The following ARHGEF1 variants were observed in gnomAD, a reference collection of about 807,000 sequenced individuals.
ARHGEF1 encodes 115 kDa guanine nucleotide exchange factor.
Under a neutral mutation model 119.7 loss-of-function variants are expected in ARHGEF1, and 40 were observed. The observed-to-expected ratio is 0.33, with a 90% CI of 0.26 to 0.44. The LOEUF (loss-of-function observed/expected upper bound fraction) is 0.44, where lower values mean the gene tolerates loss of function less well. ARHGEF1 is among the 20% of genes least tolerant of loss of function. The pLI is 1.00. For synonymous variants in ARHGEF1, 494 were observed against 521.0 expected (o/e 0.95, Z 0.71); for missense variants, 976 against 1,268.3 (o/e 0.77, Z 3.50).
At chr19:41,908,082 TG>T, downstream of ARHGEF1, 1 of 555,816 alleles carries the variant, frequency 1.8e-6, no homozygotes, top group Non-Finnish European at 2.7e-6. This position sits in a 1 kb window ranked among gnomAD's most constrained non-coding sequence, Gnocchi z 6.7. Flanking sequence ...CCCCCCACTC[TG>T]GGGCTGGGGA....
chr19:41,886,763 C>T (rs1224373813), intron 1 of ARHGEF1, among the ~76,000 whole-genome samples: 2 of 152,236 alleles, frequency 1.3e-5, no homozygotes, highest in East Asian at 3.9e-4. Flanking sequence ...ATCCTGGTTA[C>T]CATTTACTGG....
chr19:41,903,490 C>A lies in ARHGEF1; in HGVS notation c.1839+83C>A. On this transcript the variant is annotated intron_variant, in intron 19 of 28. Transcript: ENST00000354532. This position sits in a 1 kb window ranked among gnomAD's most constrained non-coding sequence, Gnocchi z 4.2. Reference sequence around the variant, plus strand: ...ACCCTACCTCAGCCTGTCCAGAAGTCACACCCCACCCCTTGGCTTGTCTCC... The same window carrying A: ...ACCCTACCTCAGCCTGTCCAGAAGTAACACCCCACCCCTTGGCTTGTCTCC... 7.3e-7 allele frequency: 1 copy of A among 1,362,382 alleles called. No homozygotes were observed. The highest frequency in any genetic ancestry group is 1.2e-5 in the South Asian group (1 of 82,432). 84.4% of individuals were successfully genotyped at this position (1,362,382 alleles called of 1,614,324 possible). A position where few individuals can be genotyped will look rare whatever the true frequency, so the allele number is the denominator to read the frequency against.
intron 18 of ARHGEF1, among the ~76,000 whole-genome samples, chr19:41,914,237 G>A (rs948878106): frequency 4.4e-5 from 6 of 136,708 alleles, no homozygotes; most frequent in South Asian, 2.5e-4. Flanking sequence ...CTGTCTCCCC[G>A]TCTTTCTCCA....
chr19:41,894,578 G>T, intron 10 of ARHGEF1, 31 bp downstream of exon 10: 1 of 1,613,964 alleles, frequency 6.2e-7, no homozygotes, highest in East Asian at 2.2e-5. Context: ...GCCCTCCCCT[G>T]TCTTCCCCAG....
rs1555849490 is a variant in ARHGEF1 at position 41,903,539 on chromosome 19, G to A, written c.1839+132G>A. The A allele has an allele frequency of 2.7e-6, 3 of 1,103,294 alleles. No homozygotes were observed. The highest frequency in any genetic ancestry group is 4.1e-5 in the Admixed American group (2 of 49,294). The allele number at this position is 1,103,294 out of a possible 1,614,324, so 68.3% of individuals were successfully genotyped here. On this transcript the variant is annotated intron_variant, in intron 19 of 28. Transcript: ENST00000354532. The surrounding 1 kb of genome is among the most constrained non-coding windows in gnomAD (Gnocchi z 4.2). ...CCCTCAAGGGTCACTGTGTCCAGGG[G>A]TTGGCTTGGCCCTCAGCATCTCCCT...
chr19:41,903,884 C>T lies in ARHGEF1; in HGVS notation c.1917+100C>T, dbSNP rs2074646215. 1.4e-6 allele frequency: 2 copies of T among 1,408,124 alleles called. No individual in the cohort carries two copies. Among genetic ancestry groups the T allele is most frequent in the Non-Finnish European group, 2.0e-6 (2 of 1,004,402 alleles). 87.2% of individuals were successfully genotyped at this position (1,408,124 alleles called of 1,614,324 possible). On this transcript the variant is annotated intron_variant, in intron 20 of 28. Transcript: ENST00000354532. This position sits in a 1 kb window ranked among gnomAD's most constrained non-coding sequence, Gnocchi z 4.2. Reference sequence around the variant, plus strand: ...CTGTCCTGCCCATCCCATAATACACCCAGGAAGCGAGAGCTCTGTCCCCCA... The same window carrying T: ...CTGTCCTGCCCATCCCATAATACACTCAGGAAGCGAGAGCTCTGTCCCCCA...
At chr19:41,884,448 C>T (rs1276104946) in intron 1 of ARHGEF1, 1 of 1,605,772 alleles carries the variant, frequency 6.2e-7, no homozygotes, top group East Asian at 2.2e-5. Flanking sequence ...AGCGCGGAGG[C>T]TTCGGTTCCG....
At chr19:41,910,764 C>G (rs1272597477), downstream of ARHGEF1, among the ~76,000 whole-genome samples, 1 of 152,194 alleles carries the variant, frequency 6.6e-6, no homozygotes, top group Non-Finnish European at 1.5e-5. The surrounding 1 kb of genome is among the most constrained non-coding windows in gnomAD (Gnocchi z 4.4). Flanking sequence ...AGACATGTCA[C>G]ACAGACATCA....
intron 1 of ARHGEF1, among the ~76,000 whole-genome samples, chr19:41,884,048 C>T (rs140204574): frequency 5.6e-4 from 86 of 152,280 alleles, no homozygotes; most frequent in African/African-American, 2.0e-3. Context: ...GGAAATTCAG[C>T]GGGTCCCCTA....
chr19:41,902,937 T>C lies in ARHGEF1; in HGVS notation c.1738+39T>C, dbSNP rs76291947. 1.8e-6 allele frequency: 2 copies of C among 1,130,850 alleles called. No individual in the cohort carries two copies. The highest frequency in any genetic ancestry group is 1.7e-5 in the African/African-American group (1 of 60,142). 70.1% of individuals were successfully genotyped at this position (1,130,850 alleles called of 1,614,324 possible). ...GGATCTCTGGGCCTCGGCTCTCCTC[T>C]TTTTTTTTTACATTTTTTTTCTCAC... On this transcript the variant is annotated intron_variant, in intron 18 of 28. Coordinates refer to ENST00000354532, the MANE Select transcript of ARHGEF1 (RefSeq NM_004706.4). The surrounding 1 kb of genome is among the most constrained non-coding windows in gnomAD (Gnocchi z 6.5).
At position 41,917,022 on chromosome 19, in the gene ARHGEF1, G is replaced by A. The variant is rs1167583476; in HGVS notation, c.1866-6070G>A. 2.0e-5 allele frequency among the ~76,000 whole-genome samples: 3 copies of A among 152,138 alleles called. No homozygotes were observed. The highest frequency in any genetic ancestry group is 2.9e-5 in the Non-Finnish European group (2 of 68,032). On this transcript the variant is annotated intron_variant, in intron 18 of 20. Transcript: ENST00000599589. This position sits in a 1 kb window ranked among gnomAD's most constrained non-coding sequence, Gnocchi z 4.8. ...TGTCTCTGCATGGGTGTGTGTGTGT[G>A]TGTGCACATATGTGACACGTGCCCT... is the stretch of plus-strand genomic sequence containing the variant.
rs782328153 is a variant in ARHGEF1, at chr19:41,892,046, A to G, written c.247A>G (p.Met83Val). Residue 83 changes from methionine to valine, a missense_variant, in exon 5 of 29, where the codon ATG becomes GTG. Coordinates refer to ENST00000354532, the MANE Select transcript of ARHGEF1 (RefSeq NM_004706.4). This position sits in a 1 kb window ranked among gnomAD's most constrained non-coding sequence, Gnocchi z 6.3. ...GPLLCCLHAD[M>V]LGSLGPKEAK... ...CCAGCTTTGCTGTCTGCATGCCGAC[A>G]TGCTGGGCTCACTGGGCCCCAAGGA... 2 of 1,611,568 alleles carry G rather than the reference A, an allele frequency of 1.2e-6. No homozygotes were observed. Among genetic ancestry groups the G allele is most frequent in the East Asian group, 2.2e-5 (1 of 44,800 alleles).
intron 7 of ARHGEF1, 165 bp from the exon 8 acceptor site, chr19:41,893,109 C>T: frequency 9.6e-7 from 1 of 1,042,320 alleles, no homozygotes; most frequent in Non-Finnish European, 1.4e-6. Flanking sequence ...GGATGAGAGA[C>T]CTCCCTCCCT....
chr19:41,905,326 C>T lies in ARHGEF1; in HGVS notation c.2336+65C>T. ...GGGGCCGGAAGGCGGGGCAGGCTTC[C>T]CTCCACAACTCCAGAACCGTCTCTG... is the stretch of plus-strand genomic sequence containing the variant. On this transcript the variant is annotated intron_variant, in intron 24 of 28. Coordinates refer to ENST00000354532, the MANE Select transcript of ARHGEF1 (RefSeq NM_004706.4). This position sits in a 1 kb window ranked among gnomAD's most constrained non-coding sequence, Gnocchi z 6.4. 3.5e-6 allele frequency: 5 copies of T among 1,413,766 alleles called. No individual in the cohort carries two copies. The highest frequency in any genetic ancestry group is 2.4e-4 in the Middle Eastern group (1 of 4,120). 87.6% of individuals were successfully genotyped at this position (1,413,766 alleles called of 1,614,324 possible). A position where few individuals can be genotyped will look rare whatever the true frequency, so the allele number is the denominator to read the frequency against.
chr19:41,907,022 C>A (rs2074711581), intron 28 of ARHGEF1, 83 bp from the exon 29 acceptor site: 1 of 1,311,490 alleles, frequency 7.6e-7, no homozygotes, highest in Non-Finnish European at 1.0e-6. Context: ...TCTCTCTGCT[C>A]TCCCTGTCTT....
chr19:41,904,422 C>G lies in ARHGEF1; in HGVS notation c.2161+39C>G. ...CTGCATGGCCCAGGGCAGAGGGTGT[C>G]TTTTTTGGGCAGAGCTGCCTGTGGA... is the stretch of plus-strand genomic sequence containing the variant. On this transcript the variant is annotated intron_variant, in intron 22 of 28. Coordinates refer to ENST00000354532, the MANE Select transcript of ARHGEF1 (RefSeq NM_004706.4). This position sits in a 1 kb window ranked among gnomAD's most constrained non-coding sequence, Gnocchi z 8.4. 6.6e-7 allele frequency: 1 copy of G among 1,507,778 alleles called. No homozygotes were observed. Among genetic ancestry groups the G allele is most frequent in the Non-Finnish European group, 8.9e-7 (1 of 1,128,138 alleles). 93.4% of individuals were successfully genotyped at this position (1,507,778 alleles called of 1,614,324 possible). A position where few individuals can be genotyped will look rare whatever the true frequency, so the allele number is the denominator to read the frequency against.
At chr19:41,891,928 T>G in intron 4 of ARHGEF1, 97 bp from the exon 5 acceptor site, 1 of 1,041,544 alleles carries the variant, frequency 9.6e-7, no homozygotes, top group South Asian at 1.6e-5. Context: ...CCCACAGCCA[T>G]AGGATGGCCA....
intron 1 of ARHGEF1, among the ~76,000 whole-genome samples, chr19:41,925,503 GGAGT>G (rs1377929687): frequency 4.6e-5 from 7 of 152,116 alleles, no homozygotes; most frequent in African/African-American, 1.7e-4. Context: ...AGTGCAAGAA[GGAGT>G]GAGACACAGG....
chr19:41,897,868 G>T (rs1270180668), intron 13 of ARHGEF1: 1 of 1,258,956 alleles, frequency 7.9e-7, no homozygotes, highest in Admixed American at 3.7e-5. Context: ...GTTTCTCTTC[G>T]TCTCTGTTCT....
Sources: gnomAD v4.1 joint callset for allele counts (sites outside exome capture counted in the v4.1 genomes callset) on GRCh38, gnomAD v4.1.1 for gene constraint, Gnocchi (gnomAD v3.1) non-coding constraint, MANE v1.5 for transcripts, NCBI Gene and HGNC (gene_info 2026-07-23, HGNC 2026-07-21) for gene names.